CNTNAP2: variants seen among roughly 807,000 people sequenced by gnomAD.
CNTNAP2 encodes contactin-associated protein-like 2.
CNTNAP2 carries 98 observed loss-of-function variants against 155.2 expected under a neutral mutation model. The ratio of observed to expected loss-of-function variants is 0.63; its 90% CI spans 0.54 to 0.75. The LOEUF is 0.75. Among genes scored for constraint, CNTNAP2 ranks in the 30% least tolerant of loss-of-function variants. The pLI, the probability that CNTNAP2 is intolerant of heterozygous loss-of-function variation, is 0.00. For synonymous variants in CNTNAP2, 651 were observed against 631.2 expected (o/e 1.03, Z -0.47); for missense variants, 1,727 against 1,688.1 (o/e 1.02, Z -0.40).
intron 10 of CNTNAP2, among the ~76,000 whole-genome samples, chr7:147,405,402 A>G (rs1335032086): frequency 3.9e-5 from 6 of 152,194 alleles, no homozygotes; most frequent in Non-Finnish European, 7.4e-5. Flanking sequence ...GAATTCATTT[A>G]ACTGCTCTCC....
At position 148,414,242 on chromosome 7, in the gene CNTNAP2, G is replaced by T. The variant is rs1037139466; in HGVS notation, c.3797-1175G>T. Among the ~76,000 whole-genome samples the T allele has an allele frequency of 5.3e-5, 8 of 151,810 alleles. No individual in the cohort carries two copies. In the East Asian group the frequency reaches 1.4e-3, roughly 26 times the overall value. The stretch of plus-strand genomic sequence containing the variant: ...CAGGAGCGTGCCACCATGCCTGGCT[G>T]ATTTTTGTACTTTTAGTATAAAAGA... On this transcript the variant is annotated intron_variant, in intron 23 of 23. Coordinates refer to ENST00000361727, the MANE Select transcript of CNTNAP2 (RefSeq NM_014141.6).
chr7:146,663,465 A>G lies in CNTNAP2; in HGVS notation c.98-110806A>G, dbSNP rs529429241. Among the ~76,000 whole-genome samples the G allele has an allele frequency of 2.0e-5, 3 of 152,100 alleles. No individual in the cohort carries two copies. The East Asian group carries it at 5.8e-4, about 29-fold the overall frequency. On this transcript the variant is annotated intron_variant, in intron 1 of 23. Coordinates refer to ENST00000361727, the MANE Select transcript of CNTNAP2 (RefSeq NM_014141.6). ...TGAGATTGCATTGAATGTATAATTC[A>G]GTTTGGAGGATAATTGACAATCTAA...
chr7:148,085,804 C>T (rs933195917), intron 15 of CNTNAP2, among the ~76,000 whole-genome samples: 2 of 152,032 alleles, frequency 1.3e-5, no homozygotes, highest in South Asian at 2.1e-4. Context: ...ACTTCAGCCT[C>T]GAACTCCTGG....
intron 8 of CNTNAP2, among the ~76,000 whole-genome samples, chr7:147,259,639 C>A (rs1369601321): frequency 6.6e-6 from 1 of 152,086 alleles, no homozygotes; most frequent in African/African-American, 2.4e-5. Flanking sequence ...GTGTTTATAT[C>A]ATTTGCATGT....
At chr7:147,641,998 G>A (rs1357059090) in intron 13 of CNTNAP2, among the ~76,000 whole-genome samples, 1 of 136,216 alleles carries the variant, frequency 7.3e-6, no homozygotes, top group Non-Finnish European at 1.6e-5. Flanking sequence ...CTTATCATAG[G>A]TGTGTGTGTG....
At chr7:147,476,387 G>A (rs1275853276) in intron 10 of CNTNAP2, among the ~76,000 whole-genome samples, 1 of 151,884 alleles carries the variant, frequency 6.6e-6, no homozygotes, top group African/African-American at 2.4e-5. Context: ...TTACAGGTGT[G>A]AGCCACCGCG....
intron 1 of CNTNAP2, among the ~76,000 whole-genome samples, chr7:146,230,666 G>T (rs1799368538): frequency 6.6e-6 from 1 of 151,806 alleles, no homozygotes; most frequent in African/African-American, 2.4e-5. Context: ...TATAGAAATA[G>T]ACAGGTCATA....
At chr7:147,197,157 G>C (rs1430924954) in intron 8 of CNTNAP2, among the ~76,000 whole-genome samples, 1 of 151,932 alleles carries the variant, frequency 6.6e-6, no homozygotes, top group African/African-American at 2.4e-5. Context: ...GTATAACTTT[G>C]TAACTTCACT....
At chr7:147,648,069 A>T (rs1412969088) in intron 13 of CNTNAP2, among the ~76,000 whole-genome samples, 1 of 152,186 alleles carries the variant, frequency 6.6e-6, no homozygotes, top group Non-Finnish European at 1.5e-5. Flanking sequence ...TGGTACGAGG[A>T]TGGCTACATG....
intron 21 of CNTNAP2, among the ~76,000 whole-genome samples, chr7:148,309,547 ATAAGATTCGGG>A (rs1797555013): frequency 6.6e-6 from 1 of 152,106 alleles, no homozygotes; most frequent in African/African-American, 2.4e-5. Flanking sequence ...GGGCCATTTT[ATAAGATTCGGG>A]TAAGTAAAGG....
At chr7:147,542,325 A>G (rs1184772298) in intron 11 of CNTNAP2, among the ~76,000 whole-genome samples, 1 of 152,098 alleles carries the variant, frequency 6.6e-6, no homozygotes, top group African/African-American at 2.4e-5. Context: ...CTCCAAAAAA[A>G]AAGCAAATAA....
At chr7:147,328,221 GA>G in intron 9 of CNTNAP2, among the ~76,000 whole-genome samples, 1 of 152,212 alleles carries the variant, frequency 6.6e-6, no homozygotes, top group Admixed American at 6.5e-5. Context: ...GCAAGTATCA[GA>G]AAAAAGAAAC....
intron 1 of CNTNAP2, among the ~76,000 whole-genome samples, chr7:146,510,166 C>G (rs1278997071): frequency 6.6e-6 from 1 of 152,210 alleles, no homozygotes; most frequent in Non-Finnish European, 1.5e-5. Context: ...TTCTCTCCCC[C>G]TCCTACAGAG....
intron 10 of CNTNAP2, among the ~76,000 whole-genome samples, chr7:147,462,394 C>G (rs1463034861): frequency 6.6e-6 from 1 of 152,208 alleles, no homozygotes. Context: ...GCTTACTTCT[C>G]ACTAGTGGTT....
intron 3 of CNTNAP2, among the ~76,000 whole-genome samples, chr7:146,927,512 T>C (rs1032418692): frequency 2.5e-4 from 38 of 152,132 alleles, no homozygotes; most frequent in Admixed American, 1.8e-3. Context: ...TAAAACATAA[T>C]GTAAAATCTT....
At chr7:147,292,201 T>G (rs894576313) in intron 8 of CNTNAP2, among the ~76,000 whole-genome samples, 1 of 152,188 alleles carries the variant, frequency 6.6e-6, no homozygotes, top group Admixed American at 6.5e-5. Flanking sequence ...CAGAACTATT[T>G]TTTTGTTTGA....
At chr7:148,084,256 A>G (rs751856066) in intron 15 of CNTNAP2, among the ~76,000 whole-genome samples, 5 of 152,228 alleles carry the variant, frequency 3.3e-5, no homozygotes, top group East Asian at 3.9e-4. Context: ...GGTGGAAGCC[A>G]CATAAGAGTT....
chr7:147,383,188 C>A (rs1796566941), intron 9 of CNTNAP2, among the ~76,000 whole-genome samples: 1 of 152,042 alleles, frequency 6.6e-6, no homozygotes, highest in Non-Finnish European at 1.5e-5. Flanking sequence ...TAATATCTTT[C>A]CTCTCTCCTG....
chr7:146,963,953 T>G (rs939838769), intron 3 of CNTNAP2, among the ~76,000 whole-genome samples: 1 of 152,070 alleles, frequency 6.6e-6, no homozygotes, highest in Non-Finnish European at 1.5e-5. Flanking sequence ...AGGATGATTT[T>G]TTTTTTTATG....
Sources: gnomAD v4.1 joint callset for allele counts (sites outside exome capture counted in the v4.1 genomes callset) on GRCh38, gnomAD v4.1.1 for gene constraint, MANE v1.5 for transcripts, NCBI Gene and HGNC (gene_info 2026-07-23, HGNC 2026-07-21) for gene names.